The following WAPL variants were observed in gnomAD, a reference collection of about 807,000 sequenced individuals.
The protein encoded by WAPL is wings apart-like protein homolog.
WAPL carries 5 observed loss-of-function variants against 121.0 expected under a neutral mutation model. The observed-to-expected ratio is 0.04, with a 90% confidence interval of 0.02 to 0.09. WAPL has a LOEUF of 0.09. Ranked by LOEUF, WAPL falls within the 10% of genes least tolerant of loss-of-function variation. WAPL has a pLI of 1.00. For synonymous variants in WAPL, 480 were observed against 481.5 expected (o/e 1.00, Z 0.04); for missense variants, 999 against 1,410.8 (o/e 0.71, Z 4.68).
intron 2 of WAPL, among the ~76,000 whole-genome samples, chr10:86,507,719 GT>G (rs112920287): frequency 0.11 from 15,007 of 142,910 alleles, 1,319 homozygotes; most frequent in East Asian, 0.38. Context: ...ATAGCCCACT[GT>G]TTTTTTTTTT....
intron 9 of WAPL, among the ~76,000 whole-genome samples, chr10:86,465,545 A>G (rs151191966): frequency 2.0e-3 from 304 of 152,194 alleles, no homozygotes; most frequent in African/African-American, 6.7e-3. Flanking sequence ...AGCCTCTAAA[A>G]TTTCCAGTTT....
intron 9 of WAPL, among the ~76,000 whole-genome samples, chr10:86,462,609 A>G (rs1436130124): frequency 6.6e-6 from 1 of 150,696 alleles, no homozygotes; most frequent in Non-Finnish European, 1.5e-5. Flanking sequence ...AATTCCAGCT[A>G]CTCGGGAGGC....
chr10:86,497,106 T>A lies in WAPL; in HGVS notation c.1644+95A>T, dbSNP rs1447684554. 12 of 1,006,802 alleles carry A rather than the reference T, an allele frequency of 1.2e-5. No individual in the cohort carries two copies. In the Admixed American group the frequency reaches 2.8e-4, roughly 24 times the overall value. The allele number at this position is 1,006,802 out of a possible 1,614,324, so 62.4% of individuals were successfully genotyped here. A position where few individuals can be genotyped will look rare whatever the true frequency, so the allele number is the denominator to read the frequency against. On this transcript the variant is annotated intron_variant, in intron 4 of 18. Transcript: ENST00000298767. ...CACATATCCTTTGAAAGACAGTTGC[T>A]ATGATGTTTATTAGTAACTTTCAAA...
At chr10:86,480,413 T>C (rs897669001) in intron 4 of WAPL, among the ~76,000 whole-genome samples, 2 of 152,144 alleles carry the variant, frequency 1.3e-5, no homozygotes, top group Non-Finnish European at 2.9e-5. Flanking sequence ...AAAAAGTCCA[T>C]GCAAAAAACC....
intron 15 of WAPL, 76 bp downstream of exon 15, chr10:86,451,891 A>C: frequency 1.3e-6 from 2 of 1,533,204 alleles, no homozygotes; most frequent in Non-Finnish European, 1.8e-6. Flanking sequence ...AGGAGGTAAA[A>C]GGTGCAAATG....
At chr10:86,493,003 G>A (rs1279038439) in intron 4 of WAPL, among the ~76,000 whole-genome samples, 5 of 151,630 alleles carry the variant, frequency 3.3e-5, no homozygotes, top group African/African-American at 1.2e-4. Flanking sequence ...GGAGCTTGCA[G>A]TGAGCAGAGA....
At position 86,521,609 on chromosome 10, in the gene WAPL, G is replaced by A. The variant is rs1842682790; in HGVS notation, c.-267C>T. 4.4e-6 allele frequency: 2 copies of A among 454,202 alleles called. No individual in the cohort carries two copies. The highest frequency in any genetic ancestry group is 1.6e-5 in the South Asian group (1 of 62,480). 28.1% of individuals were successfully genotyped at this position (454,202 alleles called of 1,614,324 possible). A position where few individuals can be genotyped will look rare whatever the true frequency, so the allele number is the denominator to read the frequency against. On this transcript the variant is annotated 5_prime_UTR_variant, in exon 1 of 19. Transcript: ENST00000298767. ...GGCCCAGGCCTAGCTCTCGCTGGCC[G>A]CCACTGCTGGAGCTGGTAACAGAGC... is the stretch of plus-strand genomic sequence containing the variant.
chr10:86,500,807 T>C (rs1842234465), intron 2 of WAPL, 64 bp from the exon 3 acceptor site: 4 of 1,285,242 alleles, frequency 3.1e-6, no homozygotes, highest in Non-Finnish European at 4.2e-6. Flanking sequence ...ATAAATAACA[T>C]ATATGTGGTT....
At chr10:86,498,618 A>G (rs1441028602) in intron 3 of WAPL, among the ~76,000 whole-genome samples, 2 of 152,332 alleles carry the variant, frequency 1.3e-5, no homozygotes, top group South Asian at 4.1e-4. Flanking sequence ...CCAGGAAAAA[A>G]GCTTTATTTA....
rs1341126190 is a variant in WAPL, at chr10:86,460,590, G to A, written c.2483-94C>T. 4.2e-6 allele frequency: 4 copies of A among 942,564 alleles called. No individual in the cohort carries two copies. In the African/African-American group the frequency reaches 5.0e-5, roughly 12 times the overall value. The allele number at this position is 942,564 out of a possible 1,614,324, so 58.4% of individuals were successfully genotyped here. ...AACATTAGAAGCCATCTGTACACAC[G>A]CTATGAACATGCTGGAACCTCTCTG... On this transcript the variant is annotated intron_variant, in intron 10 of 18. Coordinates refer to ENST00000298767, the MANE Select transcript of WAPL (RefSeq NM_015045.5).
At chr10:86,439,117 C>T (rs943810128) in intron 17 of WAPL, among the ~76,000 whole-genome samples, 3 of 151,946 alleles carry the variant, frequency 2.0e-5, no homozygotes, top group African/African-American at 7.2e-5. Context: ...CTTTTGTTAG[C>T]GGGGGCAAAA....
At chr10:86,462,165 A>G (rs1841292432) in intron 9 of WAPL, among the ~76,000 whole-genome samples, 1 of 152,186 alleles carries the variant, frequency 6.6e-6, no homozygotes. Flanking sequence ...ACAAAGAGCA[A>G]TTTGGTTCCT....
chr10:86,455,817 T>A (rs7096427), intron 12 of WAPL, among the ~76,000 whole-genome samples: 146,349 of 152,172 alleles, frequency 0.96, 70,517 homozygotes, highest in East Asian at 1. Context: ...AGCAGGTGGG[T>A]TGCATAAAAA....
At chr10:86,456,591 T>TA (rs1841152678) in intron 12 of WAPL, among the ~76,000 whole-genome samples, 1 of 152,186 alleles carries the variant, frequency 6.6e-6, no homozygotes, top group African/African-American at 2.4e-5. Flanking sequence ...ACAAAATTCT[T>TA]AAAGAAACCG....
chr10:86,441,121 T>G (rs1334697800), intron 17 of WAPL, among the ~76,000 whole-genome samples: 1 of 152,180 alleles, frequency 6.6e-6, no homozygotes, highest in African/African-American at 2.4e-5. Flanking sequence ...CTCAATGCCC[T>G]TGCTCCTAGA....
chr10:86,469,723 C>T (rs1240975806), intron 8 of WAPL, among the ~76,000 whole-genome samples: 1 of 151,940 alleles, frequency 6.6e-6, no homozygotes, highest in Non-Finnish European at 1.5e-5. Flanking sequence ...ACTTTGAGCC[C>T]CCAGAAGTAG....
Position 86,521,516 on chromosome 10 carries a change from A to G in WAPL, c.-174T>C. ...AGGGACTCTGCTTTCGGTAAATAGG[A>G]AGCCCGGTTGGGGGGGCAGGAGCGG... On this transcript the variant is annotated 5_prime_UTR_variant, in exon 1 of 19. Transcript: ENST00000298767. 1 of 360,792 alleles carries G rather than the reference A, an allele frequency of 2.8e-6. No individual in the cohort carries two copies. The highest frequency in any genetic ancestry group is 4.4e-5 in the Admixed American group (1 of 22,762). 22.3% of individuals were successfully genotyped at this position (360,792 alleles called of 1,614,324 possible).
At chr10:86,489,558 C>T (rs569743177) in intron 4 of WAPL, among the ~76,000 whole-genome samples, 2 of 152,092 alleles carry the variant, frequency 1.3e-5, no homozygotes, top group African/African-American at 4.8e-5. Flanking sequence ...TTGGCAATGT[C>T]CAAAGACATT....
chr10:86,455,669 T>A (rs1589500743), intron 12 of WAPL, among the ~76,000 whole-genome samples: 8 of 50,668 alleles, frequency 1.6e-4, no homozygotes, highest in African/African-American at 2.6e-4. Flanking sequence ...CACCCAAGAA[T>A]GATCAATAAA....
Sources: allele counts gnomAD v4.1 joint callset (sites outside exome capture counted in the v4.1 genomes callset), GRCh38; gene constraint gnomAD v4.1.1; transcripts MANE v1.5; gene names NCBI Gene and HGNC (gene_info 2026-07-23, HGNC 2026-07-21).